The following DMBT1 variants were observed in gnomAD, a reference collection of about 807,000 sequenced individuals.
DMBT1 encodes deleted in malignant brain tumors 1, also known as scavenger receptor cysteine-rich domain-containing protein DMBT1.
A neutral mutation model predicts 252.9 loss-of-function variants in DMBT1; 198 were observed. The ratio of observed to expected loss-of-function variants is 0.78; its 90% confidence interval spans 0.70 to 0.88. The LOEUF (loss-of-function observed/expected upper bound fraction) is 0.88, where lower values mean the gene tolerates loss of function less well. DMBT1 is among the 40% of genes least tolerant of loss of function. The pLI is 0.00. For synonymous variants in DMBT1, 990 were observed against 942.7 expected (o/e 1.05, Z -0.92); for missense variants, 2,432 against 2,404.7 (o/e 1.01, Z -0.24).
intron 14 of DMBT1, among the ~76,000 whole-genome samples, chr10:122,584,993 A>C (rs1376228492): frequency 6.7e-6 from 1 of 149,010 alleles, no homozygotes; most frequent in African/African-American, 2.4e-5. Context: ...TGTACCCGTC[A>C]GTGCATGTGT....
At chr10:122,566,415 A>G (rs2097592957) in intron 2 of DMBT1, among the ~76,000 whole-genome samples, 1 of 151,558 alleles carries the variant, frequency 6.6e-6, no homozygotes, top group Non-Finnish European at 1.5e-5. Flanking sequence ...GGGTTCAAGC[A>G]ATTCTCCTGT....
Position 122,565,822 on chromosome 10 carries a change from G to A in DMBT1, c.62-145G>A. On this transcript the variant is annotated intron_variant, in intron 1 of 55. Coordinates refer to ENST00000338354, the MANE Select transcript of DMBT1 (RefSeq NM_001377530.1). ...AATCCGCTATTGCAGAATTCATTTA[G>A]CAAGAACGTCGGGGACACACAAACC... 4.1e-6 allele frequency: 3 copies of A among 739,932 alleles called. No individual in the cohort carries two copies. In the South Asian group the frequency reaches 4.8e-5, roughly 12 times the overall value. 45.8% of individuals were successfully genotyped at this position (739,932 alleles called of 1,614,324 possible).
intron 40 of DMBT1, 84 bp downstream of exon 40, chr10:122,617,344 TG>T (rs1257151803): frequency 7.4e-6 from 11 of 1,494,356 alleles, no homozygotes; most frequent in Non-Finnish European, 4.6e-6. Flanking sequence ...AGGCTCAAGG[TG>T]GGCCCCTCTC....
chr10:122,570,697 C>T (rs2097653498), intron 3 of DMBT1, among the ~76,000 whole-genome samples, 193 bp from the exon 4 acceptor site: 1 of 152,146 alleles, frequency 6.6e-6, no homozygotes, highest in Non-Finnish European at 1.5e-5. Flanking sequence ...GCAAAGGATG[C>T]TTGTGCGGCA....
At chr10:122,617,882 G>A (rs754343368) in intron 40 of DMBT1, 135 bp from the exon 41 acceptor site, 75 of 1,457,936 alleles carry the variant, frequency 5.1e-5, no homozygotes, top group Non-Finnish European at 6.1e-5. Flanking sequence ...CTGAACCTCC[G>A]GTAGCAGTTG....
Position 122,590,684 on chromosome 10 carries a change from G to T in DMBT1, c.2127G>T (p.Thr709=). The T allele has an allele frequency of 1.3e-6, 2 of 1,587,704 alleles. No individual in the cohort carries two copies. Among genetic ancestry groups the T allele is most frequent in the Non-Finnish European group, 1.7e-6 (2 of 1,165,334 alleles). Residue 709 remains threonine (T), a synonymous_variant, in exon 18 of 56, where the codon ACG becomes ACT. Transcript: ENST00000338354. ...VICSAAQSRS[T]PRPDTLSTIT... ...TCACAGCTGCCCAGTCCCGGTCGAC[G>T]CCCAGGCCAGGTGAGTCCCCAGTGT... is the stretch of plus-strand genomic sequence containing the variant.
At position 122,592,331 on chromosome 10, in the gene DMBT1, G is replaced by A. The variant is rs777765956; in HGVS notation, c.2236G>A (p.Val746Ile). The change falls in exon 20 of 56, where the codon GTA (valine) becomes ATA (isoleucine). Residue 746 changes from valine (V) to isoleucine (I), a missense_variant. Physicochemically the swap from Val to Ile is conservative, Grantham distance 29. This residue lies in a region of DMBT1 where 1,264 missense variants were observed against 1,082.2 expected (regional missense o/e 1.17). Coordinates refer to ENST00000338354, the MANE Select transcript of DMBT1 (RefSeq NM_001377530.1). Reference sequence around the variant, plus strand: ...TGGAAGTGACAGGTGTCAGGGCCGAGTAGAGGTCCTATACCGAGGCTCCTG... The same window carrying A: ...TGGAAGTGACAGGTGTCAGGGCCGAATAGAGGTCCTATACCGAGGCTCCTG... ...VNGSDRCQGRVEVLYRGSWGT... is the reference protein window; with the variant it reads ...VNGSDRCQGRIEVLYRGSWGT... 1.3e-6 allele frequency: 2 copies of A among 1,588,042 alleles called. No individual in the cohort carries two copies. The highest frequency in any genetic ancestry group is 1.7e-6 in the Non-Finnish European group (2 of 1,165,714).
At chr10:122,639,153 C>T (rs116086310) in intron 54 of DMBT1, among the ~76,000 whole-genome samples, 2 of 152,198 alleles carry the variant, frequency 1.3e-5, no homozygotes, top group Non-Finnish European at 2.9e-5. Context: ...TAAATCTGCA[C>T]TCCATGTTCA....
rs2098146142 is a variant in DMBT1, at chr10:122,629,885, C to T, written c.5714C>T (p.Thr1905Ile). 1.2e-6 allele frequency: 2 copies of T among 1,613,912 alleles called. No individual in the cohort carries two copies. The highest frequency in any genetic ancestry group is 1.3e-5 in the African/African-American group (1 of 74,938). The change falls in exon 47 of 56, where the codon ACA becomes ATA. Residue 1905 changes from threonine (T) to isoleucine (I), a missense_variant. By Grantham distance (89) the Thr-to-Ile change is moderately conservative. This residue lies in a region of DMBT1 where 1,162 missense variants were observed against 1,169.0 expected (regional missense o/e 0.99). Coordinates refer to ENST00000338354, the MANE Select transcript of DMBT1 (RefSeq NM_001377530.1). ...CGGFLFYASGTFSSPSYPAYY... is the reference protein window; with the variant it reads ...CGGFLFYASGIFSSPSYPAYY... ...GGCTTCTTATTCTATGCCAGTGGGACATTCTCCAGCCCATCCTACCCTGCA... is the reference window on the plus strand; with the variant it reads ...GGCTTCTTATTCTATGCCAGTGGGATATTCTCCAGCCCATCCTACCCTGCA...
At chr10:122,565,446 C>T (rs940253765) in intron 1 of DMBT1, among the ~76,000 whole-genome samples, 7 of 152,152 alleles carry the variant, frequency 4.6e-5, no homozygotes, top group African/African-American at 7.2e-5. Flanking sequence ...CAGTTGAGTC[C>T]GATGGACCTT....
At chr10:122,580,817 G>A (rs370680282) in intron 10 of DMBT1, 49 bp from the exon 11 acceptor site, 24 of 1,612,932 alleles carry the variant, frequency 1.5e-5, no homozygotes, top group East Asian at 1.3e-4. Context: ...CAGTTTTGCC[G>A]ACTTCTGTGT....
At chr10:122,622,469 A>C (rs1485907818) in intron 44 of DMBT1, among the ~76,000 whole-genome samples, 1 of 152,228 alleles carries the variant, frequency 6.6e-6, no homozygotes, top group Non-Finnish European at 1.5e-5. Context: ...CAGAAGTTCC[A>C]AGTCTTTTTT....
chr10:122,565,004 A>G (rs974907430), intron 1 of DMBT1, among the ~76,000 whole-genome samples: 5 of 150,812 alleles, frequency 3.3e-5, no homozygotes. Context: ...TGAAAGCTAA[A>G]AACAGACTAT....
intron 15 of DMBT1, 60 bp from the exon 16 acceptor site, chr10:122,586,000 T>G: frequency 6.3e-7 from 1 of 1,584,174 alleles, no homozygotes; most frequent in East Asian, 2.3e-5. Flanking sequence ...GTGTGGAACA[T>G]TCCTTAGATT....
chr10:122,637,955 G>A (rs1234931872), intron 54 of DMBT1, among the ~76,000 whole-genome samples: 1 of 152,168 alleles, frequency 6.6e-6, no homozygotes, highest in Non-Finnish European at 1.5e-5. Context: ...CTTGAAGGTG[G>A]CTGCAACTAT....
chr10:122,579,681 C>A lies in DMBT1; in HGVS notation c.783C>A (p.Asp261Glu). 2 of 1,612,412 alleles carry A rather than the reference C, an allele frequency of 1.2e-6. No homozygotes were observed. The highest frequency in any genetic ancestry group is 1.7e-6 in the Non-Finnish European group (2 of 1,179,728). ...GCTCCTGGGGCACCGTGTGTGATGA[C>A]TACTGGGACACCAATGATGCCAATG... is the stretch of plus-strand genomic sequence containing the variant. ...YRGSWGTVCD[D>E]YWDTNDANVV... is the part of the protein sequence containing the mutation. Residue 261 changes from aspartate to glutamate, a missense_variant, in exon 10 of 56, where the codon GAC becomes GAA. Coordinates refer to ENST00000338354, the MANE Select transcript of DMBT1 (RefSeq NM_001377530.1).
At chr10:122,576,293 T>G in intron 6 of DMBT1, 106 bp from the exon 7 acceptor site, 1 of 1,466,676 alleles carries the variant, frequency 6.8e-7, no homozygotes, top group Non-Finnish European at 9.2e-7. Context: ...AATTAGAGAT[T>G]CTCTCAAAGA....
At chr10:122,632,396 G>A (rs1157004058) in intron 50 of DMBT1, among the ~76,000 whole-genome samples, 1 of 151,856 alleles carries the variant, frequency 6.6e-6, no homozygotes, top group African/African-American at 2.4e-5. Flanking sequence ...TGATGACCCC[G>A]CTCCTCAGCA....
Position 122,593,615 on chromosome 10 carries a change from C to T in DMBT1, c.2530+17C>T, listed in dbSNP as rs745746804. On this transcript the variant is annotated intron_variant, in intron 21 of 55. Transcript: ENST00000338354. ...CCAGTCCAGGTAGGTCCCCAGTGTC[C>T]TTCCTCAAAATGTCCCTTCTCTTTC... 3.8e-6 allele frequency: 6 copies of T among 1,585,410 alleles called. No homozygotes were observed. Among genetic ancestry groups the T allele is most frequent in the Admixed American group, 3.4e-5 (2 of 59,094 alleles).
Sources: allele counts gnomAD v4.1 joint callset (sites outside exome capture counted in the v4.1 genomes callset), GRCh38; gene constraint gnomAD v4.1.1; regional missense constraint gnomAD v4.1.1; transcripts MANE v1.5; gene names NCBI Gene and HGNC (gene_info 2026-07-23, HGNC 2026-07-21).